Variants in LPL observed in about 807,000 individuals in gnomAD.
LPL encodes the protein phospholipase A1.
LPL carries 43 observed loss-of-function variants against 52.2 expected under a neutral mutation model. The observed-to-expected ratio is 0.82, with a 90% CI of 0.64 to 1.06. The LOEUF is 1.06. LPL is among the 50% of genes least tolerant of loss of function. The probability of loss-of-function intolerance (pLI) is 0.00; values close to 1 mark genes in which losing one functional copy is unlikely to be tolerated. For synonymous variants in LPL, 244 were observed against 215.6 expected, an observed-to-expected ratio of 1.13 and a Z score of -1.15; for missense variants, 639 against 585.3, an observed-to-expected ratio of 1.09 and a Z score of -0.95.
In LPL at chr8:19,955,737, G is replaced by A. The variant is rs949952147; in HGVS notation, c.776-104G>A. 5 of 1,431,912 alleles carry A rather than the reference G, an allele frequency of 3.5e-6. No individual in the cohort carries two copies. The African/African-American group carries it at 4.2e-5, about 12-fold the overall frequency. The allele number at this position is 1,431,912 out of a possible 1,614,324, so 88.7% of individuals were successfully genotyped here. A position where few individuals can be genotyped will look rare whatever the true frequency, so the allele number is the denominator to read the frequency against. ...AATGCACAGGACTATATCCTTGGGT[G>A]ATTCTACTCTAACACCACATCTCAC... On this transcript the variant is annotated intron_variant, in intron 5 of 9. Coordinates refer to ENST00000650287, the MANE Select transcript of LPL (RefSeq NM_000237.3).
chr8:19,942,511 A>G (rs1590136081), intron 1 of LPL, among the ~76,000 whole-genome samples: 2 of 152,350 alleles, frequency 1.3e-5, no homozygotes, highest in South Asian at 4.1e-4. Context: ...TTATCAGTGT[A>G]AAGCTTTGGG....
intron 6 of LPL, among the ~76,000 whole-genome samples, chr8:19,959,057 G>C (rs2128839146): frequency 6.6e-6 from 1 of 152,242 alleles, no homozygotes; most frequent in South Asian, 2.1e-4. Flanking sequence ...TTCTGAAAGG[G>C]AGTAGAATTC....
chr8:19,964,885 A>C (rs898949792), intron 9 of LPL, among the ~76,000 whole-genome samples: 7 of 152,206 alleles, frequency 4.6e-5, no homozygotes, highest in Admixed American at 4.6e-4. Context: ...TATAAATTAG[A>C]CTAATAATCT....
At chr8:19,962,316 G>T in intron 9 of LPL, 97 bp downstream of exon 9, 1 of 881,942 alleles carries the variant, frequency 1.1e-6, no homozygotes, top group South Asian at 1.3e-5. Context: ...CCAGCAGCTT[G>T]CCCTGACTCA....
intron 2 of LPL, among the ~76,000 whole-genome samples, chr8:19,951,419 C>T (rs2069933287): frequency 6.6e-6 from 1 of 152,184 alleles, no homozygotes; most frequent in African/African-American, 2.4e-5. Context: ...CCAGGTGCTC[C>T]TGCTAGTTTC....
At chr8:19,964,615 G>C (rs1016441844) in intron 9 of LPL, among the ~76,000 whole-genome samples, 2 of 152,010 alleles carry the variant, frequency 1.3e-5, no homozygotes, top group Non-Finnish European at 2.9e-5. Context: ...ATGCAACTCT[G>C]CCTCCCGGGT....
chr8:19,958,506 G>A (rs1590146145), intron 6 of LPL, among the ~76,000 whole-genome samples: 1 of 152,230 alleles, frequency 6.6e-6, no homozygotes, highest in Non-Finnish European at 1.5e-5. Context: ...TACTTTAGGG[G>A]CTGGCTTTAC....
In LPL at chr8:19,939,334, G is replaced by A. The variant is rs542429534; in HGVS notation, c.-107G>A. On this transcript the variant is annotated 5_prime_UTR_variant, in exon 1 of 10. Transcript: ENST00000650287. This position sits in a 1 kb window ranked among gnomAD's most constrained non-coding sequence, Gnocchi z 4.0. ...TGCCCTGCCATCCCCTTTAAAGGGC[G>A]ACTTGCTCAGCGCCAAACCGCGGCT... 231 of 1,063,124 alleles carry A rather than the reference G, an allele frequency of 2.2e-4. No homozygotes were observed. The African/African-American group carries it at 3.4e-3, about 16-fold the overall frequency. 65.9% of individuals were successfully genotyped at this position (1,063,124 alleles called of 1,614,324 possible). A position where few individuals can be genotyped will look rare whatever the true frequency, so the allele number is the denominator to read the frequency against.
chr8:19,951,188 T>G (rs2069931220), intron 2 of LPL, among the ~76,000 whole-genome samples: 1 of 152,148 alleles, frequency 6.6e-6, no homozygotes, highest in Admixed American at 6.5e-5. Flanking sequence ...ATCTTGGAGC[T>G]TTGCCACTTG....
chr8:19,963,181 A>G (rs1295941722), intron 9 of LPL, among the ~76,000 whole-genome samples: 1 of 152,242 alleles, frequency 6.6e-6, no homozygotes, highest in Non-Finnish European at 1.5e-5. Flanking sequence ...CATGCCTGCA[A>G]TCCCAGCACT....
At chr8:19,951,158 C>A (rs1459139435) in intron 2 of LPL, among the ~76,000 whole-genome samples, 2 of 152,184 alleles carry the variant, frequency 1.3e-5, no homozygotes, top group Non-Finnish European at 1.5e-5. Flanking sequence ...TACATCCCAG[C>A]AGGTTGCTTA....
In LPL at chr8:19,939,342, C is replaced by T. The variant is rs2069807815; in HGVS notation, c.-99C>T. Reference sequence around the variant, plus strand: ...CATCCCCTTTAAAGGGCGACTTGCTCAGCGCCAAACCGCGGCTCCAGCCCT... The same window carrying T: ...CATCCCCTTTAAAGGGCGACTTGCTTAGCGCCAAACCGCGGCTCCAGCCCT... On this transcript the variant is annotated 5_prime_UTR_variant, in exon 1 of 10. Coordinates refer to ENST00000650287, the MANE Select transcript of LPL (RefSeq NM_000237.3). The surrounding 1 kb of genome is among the most constrained non-coding windows in gnomAD (Gnocchi z 4.0). The T allele has an allele frequency of 2.5e-6, 3 of 1,182,774 alleles. No homozygotes were observed. In the Admixed American group the frequency reaches 6.0e-5, roughly 24 times the overall value. 73.3% of individuals were successfully genotyped at this position (1,182,774 alleles called of 1,614,324 possible). A position where few individuals can be genotyped will look rare whatever the true frequency, so the allele number is the denominator to read the frequency against.
chr8:19,942,815 CGT>C (rs1292997611), intron 1 of LPL, among the ~76,000 whole-genome samples: 1 of 152,110 alleles, frequency 6.6e-6, no homozygotes, highest in Non-Finnish European at 1.5e-5. Flanking sequence ...ACACCATTTG[CGT>C]ACTCAACAAC....
Position 19,954,142 on chromosome 8 carries a change from C to T in LPL, c.564C>T (p.Asn188=). ...AAGGCCTCGATCCAGCTGGACCTAACTTTGAGTATGCAGAAGCCCCGAGTC... is the reference window on the plus strand; with the variant it reads ...AAGGCCTCGATCCAGCTGGACCTAATTTTGAGTATGCAGAAGCCCCGAGTC... The part of the protein sequence containing the change: ...RITGLDPAGP[N]FEYAEAPSRL... Residue 188 remains asparagine, a synonymous_variant, in exon 5 of 10, where the codon AAC becomes AAT. Coordinates refer to ENST00000650287, the MANE Select transcript of LPL (RefSeq NM_000237.3). 3 of 1,614,144 alleles carry T rather than the reference C, an allele frequency of 1.9e-6. No homozygotes were observed. The highest frequency in any genetic ancestry group is 2.5e-6 in the Non-Finnish European group (3 of 1,180,008).
At chr8:19,954,847 A>G (rs566915911) in intron 5 of LPL, among the ~76,000 whole-genome samples, 2 of 152,298 alleles carry the variant, frequency 1.3e-5, no homozygotes, top group South Asian at 4.1e-4. Context: ...TTTTTGAGAT[A>G]GAGTCTTATT....
In LPL at chr8:19,950,880, A is replaced by G. The variant is rs1286923235; in HGVS notation, c.250-889A>G. On this transcript the variant is annotated intron_variant, in intron 2 of 9. Coordinates refer to ENST00000650287, the MANE Select transcript of LPL (RefSeq NM_000237.3). The surrounding 1 kb of genome is among the most constrained non-coding windows in gnomAD (Gnocchi z 4.2). ...GAAGGAGGAAGGGAAGGAGGGAGGG[A>G]GGAAGGAAGGAAGGAATGAAGGAAG... Among the ~76,000 whole-genome samples, 1 of 124,094 alleles carries G rather than the reference A, an allele frequency of 8.1e-6. No homozygotes were observed. Among genetic ancestry groups the G allele is most frequent in the African/African-American group, 3.0e-5 (1 of 33,862 alleles). The allele number at this position is 124,094 out of a possible 152,430, so 81.4% of individuals were successfully genotyped here.
At position 19,948,182 on chromosome 8, in the gene LPL, A is replaced by G. The variant is rs1462194970; in HGVS notation, c.91A>G (p.Arg31Gly). ...SRGGVAAADQ[R>G]RDFIDIESKF... ...CATATCCAATTTTTCCTTTCCAGAA[A>G]GAAGAGATTTTATCGACATCGAAAG... Residue 31 changes from arginine (R) to glycine (G), a missense_variant and splice_region_variant, in exon 2 of 10, where the codon AGA (arginine) becomes GGA (glycine). Coordinates refer to ENST00000650287, the MANE Select transcript of LPL (RefSeq NM_000237.3). The G allele has an allele frequency of 6.2e-7, 1 of 1,614,170 alleles. No homozygotes were observed.
In LPL at chr8:19,955,921, A is replaced by T. The variant is rs2069980707; in HGVS notation, c.856A>T (p.Ser286Cys). The T allele has an allele frequency of 1.2e-6, 2 of 1,614,190 alleles. No individual in the cohort carries two copies. The highest frequency in any genetic ancestry group is 2.7e-5 in the African/African-American group (2 of 75,050). Residue 286 changes from serine (S) to cysteine (C), a missense_variant, in exon 6 of 10, where the codon AGT becomes TGT. Coordinates refer to ENST00000650287, the MANE Select transcript of LPL (RefSeq NM_000237.3). ...IDSLLNEENPSKAYRCSSKEA... is the reference protein window; with the variant it reads ...IDSLLNEENPCKAYRCSSKEA... ...CTCTCTGTTGAATGAAGAAAATCCA[A>T]GTAAGGCCTACAGGTGCAGTTCCAA... is the stretch of plus-strand genomic sequence containing the variant.
At chr8:19,962,059 T>C in intron 8 of LPL, 56 bp from the exon 9 acceptor site, 1 of 1,165,012 alleles carries the variant, frequency 8.6e-7, no homozygotes, top group Non-Finnish European at 1.3e-6. Flanking sequence ...TGTACCTTTG[T>C]GAACAGTGCT....
Sources: gnomAD v4.1 joint callset for allele counts (sites outside exome capture counted in the v4.1 genomes callset) on GRCh38, gnomAD v4.1.1 for gene constraint, Gnocchi (gnomAD v3.1) non-coding constraint, MANE v1.5 for transcripts, NCBI Gene and HGNC (gene_info 2026-07-23, HGNC 2026-07-21) for gene names.